The following MAMDC2 variants were observed in gnomAD, a reference collection of about 807,000 sequenced individuals.
MAMDC2 encodes the protein MAM domain containing 2.
Under a neutral mutation model 89.8 loss-of-function variants are expected in MAMDC2, and 57 were observed. The observed-to-expected ratio is 0.63, with a 90% CI of 0.51 to 0.79. The LOEUF (loss-of-function observed/expected upper bound fraction) is 0.79. MAMDC2 is among the 30% of genes least tolerant of loss of function. The pLI is 0.00. For missense variants in MAMDC2, 800 were observed against 820.6 expected (o/e 0.97, Z 0.31); for synonymous variants, 313 against 293.4 (o/e 1.07, Z -0.68).
chr9:70,133,065 T>C (rs2030868116), intron 7 of MAMDC2, among the ~76,000 whole-genome samples: 1 of 152,194 alleles, frequency 6.6e-6, no homozygotes, highest in Admixed American at 6.5e-5. Context: ...TACATTTGAT[T>C]CCTCCCTAAT....
chr9:70,051,056 C>T (rs925196748), intron 2 of MAMDC2, among the ~76,000 whole-genome samples: 3 of 152,184 alleles, frequency 2.0e-5, no homozygotes, highest in Admixed American at 2.0e-4. Context: ...GGTGCTGGTG[C>T]CTTCTATGAT....
At chr9:70,156,981 T>C (rs1296927932) in intron 9 of MAMDC2, among the ~76,000 whole-genome samples, 1 of 152,132 alleles carries the variant, frequency 6.6e-6, no homozygotes. Flanking sequence ...CTTTCGTGAG[T>C]TTTCTGAGTA....
In MAMDC2 at chr9:70,226,049, G is replaced by C; in HGVS notation, c.*17G>C. 6.9e-7 allele frequency: 1 copy of C among 1,447,626 alleles called. No homozygotes were observed. The highest frequency in any genetic ancestry group is 9.5e-7 in the Non-Finnish European group (1 of 1,053,958). 89.7% of individuals were successfully genotyped at this position (1,447,626 alleles called of 1,614,324 possible). On this transcript the variant is annotated 3_prime_UTR_variant, in exon 14 of 14. Transcript: ENST00000377182. ...GAGTATTAAGAAATGATCTGCATTG[G>C]ATTTACTAGACGAAAACCATACCTC...
intron 10 of MAMDC2, among the ~76,000 whole-genome samples, chr9:70,168,997 A>G (rs1300786078): frequency 3.3e-5 from 5 of 152,212 alleles, no homozygotes; most frequent in Non-Finnish European, 5.9e-5. Flanking sequence ...CATGTGACTT[A>G]ACCCCTTTAT....
intron 2 of MAMDC2, among the ~76,000 whole-genome samples, chr9:70,066,058 C>T (rs1055633643): frequency 1.3e-5 from 2 of 152,156 alleles, no homozygotes; most frequent in Admixed American, 6.5e-5. Flanking sequence ...GGAAACATGA[C>T]ATTCACAAAC....
At chr9:70,105,331 G>T (rs2118238195) in intron 2 of MAMDC2, among the ~76,000 whole-genome samples, 1 of 152,308 alleles carries the variant, frequency 6.6e-6, no homozygotes, top group East Asian at 1.9e-4. Flanking sequence ...TGTTTAGAAG[G>T]ATTCTAAGGC....
chr9:70,117,615 A>AATG (rs974938969), intron 5 of MAMDC2, among the ~76,000 whole-genome samples: 4 of 152,182 alleles, frequency 2.6e-5, no homozygotes, highest in Admixed American at 2.6e-4. Context: ...ATTTTAAAAA[A>AATG]ATGATGCTTT....
At chr9:70,158,575 T>C (rs2031849429) in intron 9 of MAMDC2, among the ~76,000 whole-genome samples, 2 of 151,886 alleles carry the variant, frequency 1.3e-5, no homozygotes, top group Admixed American at 6.6e-5. Flanking sequence ...ACTATACATA[T>C]GTATACATAT....
chr9:70,084,332 A>G (rs866992324), intron 2 of MAMDC2, among the ~76,000 whole-genome samples: 1 of 152,122 alleles, frequency 6.6e-6, no homozygotes, highest in South Asian at 2.1e-4. Flanking sequence ...TAAGATTGCC[A>G]GAAAAGAATA....
At chr9:70,217,780 C>G in intron 11 of MAMDC2, 2 of 745,952 alleles carry the variant, frequency 2.7e-6, no homozygotes, top group South Asian at 3.4e-5. Context: ...TTAAGTAGGA[C>G]AGGAAACAAA....
At position 70,044,713 on chromosome 9, in the gene MAMDC2, G is replaced by T; in HGVS notation, c.148+16G>T. The T allele has an allele frequency of 6.5e-7, 1 of 1,527,592 alleles. No individual in the cohort carries two copies. The highest frequency in any genetic ancestry group is 8.9e-7 in the Non-Finnish European group (1 of 1,125,444). 94.6% of individuals were successfully genotyped at this position (1,527,592 alleles called of 1,614,324 possible). ...AATGAGGAAGGTAAGGAGGCTCGGTGGAGAGGGGCGCGAAGTGAACTTTCT... is the reference window on the plus strand; with the variant it reads ...AATGAGGAAGGTAAGGAGGCTCGGTTGAGAGGGGCGCGAAGTGAACTTTCT... On this transcript the variant is annotated intron_variant, in intron 2 of 13. Coordinates refer to ENST00000377182, the MANE Select transcript of MAMDC2 (RefSeq NM_153267.5).
chr9:70,113,367 T>A (rs1039194902), intron 5 of MAMDC2, among the ~76,000 whole-genome samples: 1 of 152,218 alleles, frequency 6.6e-6, no homozygotes, highest in African/African-American at 2.4e-5. Context: ...GCCATTCCAT[T>A]AAAAGTTCTC....
At chr9:70,046,434 C>G (rs929632810) in intron 2 of MAMDC2, among the ~76,000 whole-genome samples, 4 of 152,234 alleles carry the variant, frequency 2.6e-5, no homozygotes, top group African/African-American at 9.6e-5. Flanking sequence ...CATCCTAGTG[C>G]TGGCCCTGAG....
chr9:70,183,120 A>G (rs1334292678), intron 11 of MAMDC2, among the ~76,000 whole-genome samples: 1 of 152,150 alleles, frequency 6.6e-6, no homozygotes, highest in Non-Finnish European at 1.5e-5. Context: ...GTAGTCATTC[A>G]GGAGCGGGTT....
chr9:70,161,255 G>T lies in MAMDC2; in HGVS notation c.1405-7447G>T, dbSNP rs370690300. Reference sequence around the variant, plus strand: ...TAGCAATGAAAAAGTTCAGCTACAGGCCTGTATTCTATCACAGTGTGGTCC... The same window carrying T: ...TAGCAATGAAAAAGTTCAGCTACAGTCCTGTATTCTATCACAGTGTGGTCC... On this transcript the variant is annotated intron_variant, in intron 9 of 13. Coordinates refer to ENST00000377182, the MANE Select transcript of MAMDC2 (RefSeq NM_153267.5). 1.9e-4 allele frequency among the ~76,000 whole-genome samples: 29 copies of T among 152,298 alleles called. 2 individuals are homozygous for T. Among genetic ancestry groups the T allele is most frequent in the African/African-American group, 6.7e-4 (28 of 41,562 alleles).
At chr9:70,062,262 C>T (rs992555908) in intron 2 of MAMDC2, among the ~76,000 whole-genome samples, 7 of 147,830 alleles carry the variant, frequency 4.7e-5, no homozygotes, top group Non-Finnish European at 7.4e-5. Flanking sequence ...GAGATGTATA[C>T]ACACACACAC....
At chr9:70,163,086 TAC>T (rs981250612) in intron 9 of MAMDC2, among the ~76,000 whole-genome samples, 1 of 152,094 alleles carries the variant, frequency 6.6e-6, no homozygotes, top group African/African-American at 2.4e-5. Flanking sequence ...CTTTAATAAT[TAC>T]AGTTTTCTAA....
intron 2 of MAMDC2, chr9:70,089,072 T>C (rs987842677): frequency 6.6e-6 from 1 of 152,152 alleles, no homozygotes; most frequent in South Asian, 2.1e-4. Context: ...AGGAGGTTGA[T>C]TACATTTCCT....
At chr9:70,103,665 T>C (rs1828255448) in intron 2 of MAMDC2, among the ~76,000 whole-genome samples, 1 of 151,906 alleles carries the variant, frequency 6.6e-6, no homozygotes, top group Non-Finnish European at 1.5e-5. Context: ...AAAAATTTTA[T>C]ACTTCAAAGG....
Sources: gnomAD v4.1 joint callset for allele counts (sites outside exome capture counted in the v4.1 genomes callset) on GRCh38, gnomAD v4.1.1 for gene constraint, MANE v1.5 for transcripts, NCBI Gene and HGNC (gene_info 2026-07-23, HGNC 2026-07-21) for gene names.